The following CSMD1 variants were observed in gnomAD, a reference collection of about 807,000 sequenced individuals.
CSMD1 encodes the protein CUB and sushi domain-containing protein 1.
Under a neutral mutation model 417.5 loss-of-function variants are expected in CSMD1, and 213 were observed. The observed-to-expected ratio is 0.51, with a 90% CI of 0.46 to 0.57. The LOEUF is 0.57. CSMD1 is among the 20% of genes least tolerant of loss of function. The pLI, the probability that CSMD1 is intolerant of heterozygous loss-of-function variation, is 0.00. For missense variants in CSMD1, 6,923 were observed against 4,529.7 expected (o/e 1.53, Z -15.17); for synonymous variants, 2,862 against 1,736.8 (o/e 1.65, Z -16.11).
intron 3 of CSMD1, among the ~76,000 whole-genome samples, chr8:4,234,823 G>A (rs1801949693): frequency 6.6e-6 from 1 of 152,242 alleles, no homozygotes; most frequent in South Asian, 2.1e-4. Context: ...GGAGAGATAA[G>A]AACAGTCTCT....
intron 2 of CSMD1, among the ~76,000 whole-genome samples, chr8:4,432,629 T>C (rs1489215228): frequency 6.6e-6 from 1 of 152,132 alleles, no homozygotes; most frequent in Non-Finnish European, 1.5e-5. Flanking sequence ...CAGAGATCCT[T>C]AATAACTGAC....
chr8:4,053,208 A>G (rs1338930232), intron 3 of CSMD1, among the ~76,000 whole-genome samples: 1 of 152,204 alleles, frequency 6.6e-6, no homozygotes. Flanking sequence ...CACGTTATTA[A>G]AAAGTCACTA....
At chr8:4,078,114 A>G (rs1007371157) in intron 3 of CSMD1, among the ~76,000 whole-genome samples, 2 of 152,202 alleles carry the variant, frequency 1.3e-5, no homozygotes, top group African/African-American at 4.8e-5. Context: ...AATAATTTAC[A>G]TGGAAAGTGC....
At chr8:2,967,723 T>G (rs143454057) in intron 57 of CSMD1, among the ~76,000 whole-genome samples, 1 of 152,210 alleles carries the variant, frequency 6.6e-6, no homozygotes, top group Non-Finnish European at 1.5e-5. Flanking sequence ...GCACATTTAA[T>G]TGAAACAATT....
chr8:3,227,320 G>T (rs940917688), intron 27 of CSMD1, among the ~76,000 whole-genome samples: 1 of 3,272 alleles, frequency 3.1e-4, no homozygotes, highest in Non-Finnish European at 5.5e-4. Context: ...AGAATCACTG[G>T]AACACGGAAG....
rs763788532 is a variant in CSMD1, at chr8:3,928,986, T to A, written c.818+68917A>T. 1.3e-5 allele frequency among the ~76,000 whole-genome samples: 2 copies of A among 150,530 alleles called. 1 individual carries two copies. Among genetic ancestry groups the A allele is most frequent in the Non-Finnish European group, 3.0e-5 (2 of 67,586 alleles). ...TGTGTGCTAAAACAATTGGTTGTCA[T>A]TGTATAAGAAATCTTACCGATTTTT... On this transcript the variant is annotated intron_variant, in intron 5 of 69. Coordinates refer to ENST00000635120, the MANE Select transcript of CSMD1 (RefSeq NM_033225.6).
At chr8:4,853,479 A>T (rs1801604294) in intron 1 of CSMD1, among the ~76,000 whole-genome samples, 1 of 152,202 alleles carries the variant, frequency 6.6e-6, no homozygotes, top group African/African-American at 2.4e-5. Flanking sequence ...AGTGCACAGA[A>T]TGCAAGAATA....
rs142448814 is a variant in CSMD1, at chr8:3,806,387, G to T, written c.819-52345C>A. ...AACCAATATGCCCCTGAAGCCTGTG[G>T]GACACAAAAGCGTGTGTGAAGCCCT... On this transcript the variant is annotated intron_variant, in intron 5 of 69. Transcript: ENST00000635120. Among the ~76,000 whole-genome samples the T allele has an allele frequency of 5.9e-4, 90 of 152,228 alleles. 1 individual carries two copies. The East Asian group carries it at 0.012, about 20-fold the overall frequency.
At chr8:3,109,665 T>G (rs1409823684) in intron 43 of CSMD1, among the ~76,000 whole-genome samples, 3 of 152,140 alleles carry the variant, frequency 2.0e-5, no homozygotes, top group Non-Finnish European at 2.9e-5. Context: ...TTCCAGGTCC[T>G]GCCTTACTTG....
intron 2 of CSMD1, among the ~76,000 whole-genome samples, chr8:4,492,662 T>C (rs938115017): frequency 4.0e-4 from 61 of 152,302 alleles, no homozygotes; most frequent in African/African-American, 1.4e-3. Flanking sequence ...GATCAAAATA[T>C]GTAGACAACT....
intron 2 of CSMD1, among the ~76,000 whole-genome samples, chr8:4,633,461 G>T (rs1802653419): frequency 1.3e-5 from 2 of 151,990 alleles, no homozygotes; most frequent in South Asian, 4.1e-4. Context: ...GTGTTAGCCA[G>T]GATGGTCTCG....
At chr8:3,586,716 A>G (rs767587806) in intron 8 of CSMD1, among the ~76,000 whole-genome samples, 1 of 152,186 alleles carries the variant, frequency 6.6e-6, no homozygotes, top group Non-Finnish European at 1.5e-5. Context: ...TTTTGCTATC[A>G]CACATGTTAA....
intron 3 of CSMD1, among the ~76,000 whole-genome samples, chr8:4,202,888 A>C (rs931395058): frequency 1.3e-4 from 20 of 152,296 alleles, no homozygotes; most frequent in African/African-American, 4.8e-4. Context: ...TGTCCTGGAG[A>C]AGGGGCATGG....
intron 5 of CSMD1, among the ~76,000 whole-genome samples, chr8:3,988,713 G>A (rs1723911899): frequency 6.6e-6 from 1 of 152,192 alleles, no homozygotes; most frequent in Non-Finnish European, 1.5e-5. Flanking sequence ...AACCAGGATA[G>A]CATTTTGATT....
At chr8:4,180,568 A>T (rs181159825) in intron 3 of CSMD1, among the ~76,000 whole-genome samples, 1 of 152,058 alleles carries the variant, frequency 6.6e-6, no homozygotes, top group Non-Finnish European at 1.5e-5. Flanking sequence ...CCTAAAACTT[A>T]AAGTATAATA....
At chr8:3,786,919 A>G (rs1287275894) in intron 5 of CSMD1, among the ~76,000 whole-genome samples, 1 of 152,146 alleles carries the variant, frequency 6.6e-6, no homozygotes, top group East Asian at 1.9e-4. Flanking sequence ...CACCTTTAGG[A>G]TGAGGATTTC....
chr8:4,916,398 G>A (rs977945472), intron 1 of CSMD1, among the ~76,000 whole-genome samples: 3 of 152,204 alleles, frequency 2.0e-5, no homozygotes, highest in Non-Finnish European at 4.4e-5. Flanking sequence ...GAGTACATTG[G>A]AACACATATG....
At chr8:4,436,833 T>C (rs1329081052) in intron 2 of CSMD1, among the ~76,000 whole-genome samples, 1 of 152,208 alleles carries the variant, frequency 6.6e-6, no homozygotes, top group Non-Finnish European at 1.5e-5. Context: ...GCCATGTTGG[T>C]GCAAATGAGT....
chr8:4,968,325 C>A (rs1026368100), intron 1 of CSMD1, among the ~76,000 whole-genome samples: 1 of 151,982 alleles, frequency 6.6e-6, no homozygotes, highest in African/African-American at 2.4e-5. Flanking sequence ...AGAACATTCA[C>A]AAGATTGTGT....
Sources: allele counts gnomAD v4.1 joint callset (sites outside exome capture counted in the v4.1 genomes callset), GRCh38; gene constraint gnomAD v4.1.1; transcripts MANE v1.5; gene names NCBI Gene and HGNC (gene_info 2026-07-23, HGNC 2026-07-21).